The following ANAPC10 variants were observed in gnomAD, a reference collection of about 807,000 sequenced individuals.
ANAPC10 encodes the protein anaphase-promoting complex subunit 10.
Under a neutral mutation model 22.0 loss-of-function variants are expected in ANAPC10, and 12 were observed. The ratio of observed to expected loss-of-function variants is 0.55; its 90% CI spans 0.35 to 0.88. The LOEUF is 0.88. Ranked by LOEUF, ANAPC10 falls within the 40% of genes least tolerant of loss-of-function variation. The pLI, the probability that ANAPC10 is intolerant of heterozygous loss-of-function variation, is 0.01. For synonymous variants in ANAPC10, 65 were observed against 69.5 expected, an observed-to-expected ratio of 0.94 and a Z score of 0.32; for missense variants, 188 against 220.9, an observed-to-expected ratio of 0.85 and a Z score of 0.94.
At chr4:145,064,974 C>T (rs751720144) in intron 3 of ANAPC10, among the ~76,000 whole-genome samples, 1 of 152,004 alleles carries the variant, frequency 6.6e-6, no homozygotes, top group Admixed American at 6.5e-5. Context: ...AAATTAGGTA[C>T]TTTATCATGC....
chr4:145,010,377 T>C (rs1200616028), intron 4 of ANAPC10, among the ~76,000 whole-genome samples: 3 of 152,162 alleles, frequency 2.0e-5, no homozygotes, highest in Admixed American at 6.5e-5. Flanking sequence ...CGCACACTTA[T>C]GTTTATTGTG....
At chr4:145,097,893 G>C in intron 1 of ANAPC10, 1 of 251,898 alleles carries the variant, frequency 4.0e-6, no homozygotes, top group Admixed American at 5.1e-5. Flanking sequence ...TGACCACACA[G>C]TTGAGAGGAA....
intron 2 of ANAPC10, among the ~76,000 whole-genome samples, chr4:145,088,606 A>G (rs936906676): frequency 1.3e-5 from 2 of 152,028 alleles, no homozygotes; most frequent in African/African-American, 2.4e-5. Context: ...TCCTTTCCAT[A>G]TCAACAGTTC....
At chr4:145,057,975 G>C (rs1440279281) in intron 4 of ANAPC10, among the ~76,000 whole-genome samples, 2 of 152,024 alleles carry the variant, frequency 1.3e-5, no homozygotes, top group Non-Finnish European at 2.9e-5. Context: ...ATATCTACCT[G>C]GTCTCTAGGT....
chr4:145,065,126 G>A lies in ANAPC10; in HGVS notation c.207-434C>T, dbSNP rs34959877. Reference sequence around the variant, plus strand: ...AAATAACTAGCTAAGTGAGGAACTGGGTCCAGCAAAGAGAAAACTACCTTT... The same window carrying A: ...AAATAACTAGCTAAGTGAGGAACTGAGTCCAGCAAAGAGAAAACTACCTTT... On this transcript the variant is annotated intron_variant, in intron 3 of 4. Transcript: ENST00000507656. 4.2e-3 allele frequency among the ~76,000 whole-genome samples: 644 copies of A among 151,914 alleles called. 3 individuals are homozygous for A. The highest frequency in any genetic ancestry group is 0.014 in the African/African-American group (590 of 41,494).
chr4:145,098,367 A>G (rs1482707808), upstream of ANAPC10: 1 of 152,460 alleles, frequency 6.6e-6, no homozygotes, highest in Admixed American at 6.5e-5. Context: ...AAGTGAAGGC[A>G]AGAGCTGATT....
chr4:145,020,418 A>T (rs115708476), intron 4 of ANAPC10, among the ~76,000 whole-genome samples: 2 of 152,054 alleles, frequency 1.3e-5, no homozygotes, highest in African/African-American at 2.4e-5. Context: ...AATCGGCATA[A>T]AGGAACATAC....
At chr4:145,018,508 G>A (rs1019734225) in intron 4 of ANAPC10, among the ~76,000 whole-genome samples, 3 of 151,968 alleles carry the variant, frequency 2.0e-5, no homozygotes, top group Admixed American at 6.6e-5. Flanking sequence ...CATGGTGGCA[G>A]GCACCTATAA....
chr4:145,031,401 G>A (rs947011826), intron 4 of ANAPC10, among the ~76,000 whole-genome samples: 1 of 152,188 alleles, frequency 6.6e-6, no homozygotes, highest in African/African-American at 2.4e-5. Flanking sequence ...AGTTGTGTGG[G>A]TCTTGTTAAG....
chr4:145,006,805 T>C (rs550220824), intron 4 of ANAPC10, among the ~76,000 whole-genome samples: 9 of 152,222 alleles, frequency 5.9e-5, no homozygotes, highest in African/African-American at 2.2e-4. Flanking sequence ...TCCTGTTTTG[T>C]TGCCTCTGTG....
At chr4:145,039,377 T>C (rs540296508) in intron 4 of ANAPC10, among the ~76,000 whole-genome samples, 196 of 152,262 alleles carry the variant, frequency 1.3e-3, no homozygotes, top group African/African-American at 4.6e-3. Context: ...CTGAAAGAGA[T>C]TGGGAAGAAA....
chr4:145,013,433 T>A (rs891730634), intron 4 of ANAPC10, among the ~76,000 whole-genome samples: 7 of 152,154 alleles, frequency 4.6e-5, no homozygotes, highest in Non-Finnish European at 1.5e-5. Context: ...ACTCATACTG[T>A]CATCTCATTA....
chr4:145,008,873 C>T (rs981788821), intron 4 of ANAPC10, among the ~76,000 whole-genome samples: 2 of 152,050 alleles, frequency 1.3e-5, no homozygotes, highest in African/African-American at 4.8e-5. Context: ...AAAGGGCATT[C>T]AATTACGAAA....
chr4:144,997,046 T>C (rs1321500132), intron 4 of ANAPC10, among the ~76,000 whole-genome samples: 1 of 150,994 alleles, frequency 6.6e-6, no homozygotes, highest in Non-Finnish European at 1.5e-5. Context: ...GAAAAAAGAG[T>C]AAAAAGAAAT....
At chr4:145,095,843 T>C (rs1234682187) in intron 2 of ANAPC10, 142 bp downstream of exon 2, 1 of 1,008,036 alleles carries the variant, frequency 9.9e-7, no homozygotes, top group Non-Finnish European at 1.5e-6. Context: ...ATAGTATTAA[T>C]ATAGAAAGGG....
intron 2 of ANAPC10, among the ~76,000 whole-genome samples, chr4:145,089,220 A>G (rs1370583297): frequency 1.3e-5 from 2 of 152,172 alleles, no homozygotes; most frequent in Admixed American, 1.3e-4. Flanking sequence ...TATAGCATGA[A>G]CTTCAATAAA....
intron 4 of ANAPC10, among the ~76,000 whole-genome samples, chr4:145,020,082 C>T (rs887721954): frequency 7.2e-5 from 11 of 152,118 alleles, no homozygotes; most frequent in Non-Finnish European, 1.2e-4. Context: ...CTAATTCATT[C>T]TATGAAGCCA....
chr4:145,044,826 C>T (rs1487224212), intron 4 of ANAPC10, among the ~76,000 whole-genome samples: 2 of 151,970 alleles, frequency 1.3e-5, no homozygotes, highest in East Asian at 3.9e-4. Context: ...AATTATATTA[C>T]ACTATAGTAA....
chr4:145,074,920 T>C (rs1168979671), intron 3 of ANAPC10, among the ~76,000 whole-genome samples: 1 of 152,210 alleles, frequency 6.6e-6, no homozygotes, highest in Non-Finnish European at 1.5e-5. Flanking sequence ...CCACAAAGTA[T>C]AAATCCTTCA....
Sources: gnomAD v4.1 joint callset for allele counts (sites outside exome capture counted in the v4.1 genomes callset) on GRCh38, gnomAD v4.1.1 for gene constraint, MANE v1.5 for transcripts, NCBI Gene and HGNC (gene_info 2026-07-23, HGNC 2026-07-21) for gene names.